The following KAZN variants were observed in gnomAD, a reference collection of about 807,000 sequenced individuals.
The protein encoded by KAZN is kazrin.
KAZN carries 40 observed loss-of-function variants against 87.4 expected under a neutral mutation model. That is an observed-to-expected ratio of 0.46 (90% CI 0.36 to 0.60). The LOEUF (loss-of-function observed/expected upper bound fraction) is 0.60. Among genes scored for constraint, KAZN ranks in the 20% least tolerant of loss-of-function variants. KAZN has a pLI of 0.00. For missense variants in KAZN, 898 were observed against 1,073.9 expected (o/e 0.84, Z 2.29); for synonymous variants, 466 against 458.3 (o/e 1.02, Z -0.22).
chr1:15,042,333 G>A (rs964365171), intron 3 of KAZN, among the ~76,000 whole-genome samples: 2 of 152,170 alleles, frequency 1.3e-5, no homozygotes, highest in African/African-American at 2.4e-5. Context: ...ATTTTTGTCT[G>A]GTTTGTACCA....
At chr1:14,322,976 C>G (rs961956103) in intron 2 of KAZN, among the ~76,000 whole-genome samples, 2 of 152,168 alleles carry the variant, frequency 1.3e-5, no homozygotes, top group African/African-American at 4.8e-5. Context: ...GGAAGCAAGG[C>G]ACCTTCTTCA....
chr1:14,756,465 C>T (rs1207612036), intron 1 of KAZN, among the ~76,000 whole-genome samples: 1 of 152,200 alleles, frequency 6.6e-6, no homozygotes, highest in East Asian at 1.9e-4. Flanking sequence ...TGCGGATGAG[C>T]AGGAGGTGGA....
chr1:14,585,066 G>A (rs1436405332), intron 2 of KAZN, among the ~76,000 whole-genome samples: 2 of 152,214 alleles, frequency 1.3e-5, no homozygotes, highest in African/African-American at 4.8e-5. Flanking sequence ...ACAAAGGAAT[G>A]TGCATGGGAG....
chr1:13,930,759 A>G (rs1027399059), intron 1 of KAZN, among the ~76,000 whole-genome samples: 1 of 152,256 alleles, frequency 6.6e-6, no homozygotes, highest in African/African-American at 2.4e-5. Flanking sequence ...CAGGATTCAT[A>G]GGAGTTTACC....
chr1:14,932,740 C>T (rs1200460800), intron 1 of KAZN, among the ~76,000 whole-genome samples: 1 of 151,674 alleles, frequency 6.6e-6, no homozygotes, highest in Non-Finnish European at 1.5e-5. Flanking sequence ...CAGAGTCCCA[C>T]CCCAGAAACT....
intron 2 of KAZN, among the ~76,000 whole-genome samples, chr1:14,544,346 C>CTT (rs1672995998): frequency 3.0e-5 from 2 of 67,156 alleles, no homozygotes; most frequent in African/African-American, 5.1e-5. Context: ...TTCTTTCTTT[C>CTT]TTTCTTTTTT....
intron 2 of KAZN, among the ~76,000 whole-genome samples, chr1:14,330,066 T>G (rs1333836877): frequency 6.6e-6 from 1 of 152,174 alleles, no homozygotes; most frequent in Non-Finnish European, 1.5e-5. Context: ...GACAGCTGTG[T>G]GGGTTCTCTC....
chr1:15,084,602 CA>C (rs1043830469), intron 8 of KAZN, among the ~76,000 whole-genome samples: 3 of 152,292 alleles, frequency 2.0e-5, no homozygotes, highest in African/African-American at 7.2e-5. Context: ...GGACTGTTAT[CA>C]GGGGGTTAAA....
intron 1 of KAZN, chr1:14,924,361 C>T: frequency 3.0e-6 from 3 of 988,854 alleles, no homozygotes; most frequent in Non-Finnish European, 3.6e-6. Flanking sequence ...CCCGGGCACC[C>T]GGCATGCGGG....
chr1:14,211,762 C>T (rs1646857440), intron 2 of KAZN, among the ~76,000 whole-genome samples: 1 of 152,056 alleles, frequency 6.6e-6, no homozygotes. Flanking sequence ...ATCGGGGCTT[C>T]TCTCCTACAA....
intron 4 of KAZN, among the ~76,000 whole-genome samples, chr1:15,049,862 A>G (rs1329812188): frequency 5.3e-5 from 8 of 152,118 alleles, no homozygotes; most frequent in Admixed American, 5.2e-4. Flanking sequence ...CGTCTCTACT[A>G]AAAATACAAA....
At chr1:14,010,950 CT>C (rs959172436) in intron 1 of KAZN, among the ~76,000 whole-genome samples, 7 of 151,478 alleles carry the variant, frequency 4.6e-5, no homozygotes, top group South Asian at 2.1e-4. Flanking sequence ...CTTGCTTCCC[CT>C]TTTTTTTTGG....
chr1:14,004,453 C>T (rs1265091205), intron 1 of KAZN, among the ~76,000 whole-genome samples: 1 of 152,196 alleles, frequency 6.6e-6, no homozygotes, highest in Non-Finnish European at 1.5e-5. Context: ...CAGCACTATT[C>T]ATGTTAGTCC....
At chr1:14,514,294 C>T (rs1338360735) in intron 2 of KAZN, among the ~76,000 whole-genome samples, 3 of 115,642 alleles carry the variant, frequency 2.6e-5, no homozygotes, top group African/African-American at 9.9e-5. Flanking sequence ...CACTGCACTC[C>T]AGCCTGGGTG....
At chr1:14,450,163 C>A (rs1557729498) in intron 2 of KAZN, among the ~76,000 whole-genome samples, 1 of 152,142 alleles carries the variant, frequency 6.6e-6, no homozygotes, top group Non-Finnish European at 1.5e-5. Context: ...TCCAACCACA[C>A]CTGTCCTTTC....
At position 14,960,815 on chromosome 1, in the gene KAZN, C is replaced by T; in HGVS notation, c.358C>T (p.Leu120Phe). The T allele has an allele frequency of 6.2e-7, 1 of 1,613,170 alleles. No homozygotes were observed. Among genetic ancestry groups the T allele is most frequent in the East Asian group, 2.2e-5 (1 of 44,876 alleles). ...KSSEVLSATELRVQLAQKEQE... is the reference protein window; with the variant it reads ...KSSEVLSATEFRVQLAQKEQE... ...CTCTGAGGTCCTCTCGGCCACCGAG[C>T]TCAGGGTCCAGCTGGCCCAGAAGGA... Residue 120 changes from leucine to phenylalanine, a missense_variant, in exon 2 of 15, where the codon CTC becomes TTC. Leu to Phe is a conservative substitution (Grantham distance 22). Coordinates refer to ENST00000376030, the MANE Select transcript of KAZN (RefSeq NM_201628.3).
In KAZN at chr1:14,314,463, T is replaced by G. The variant is rs1335388819; in HGVS notation, c.249+133871T>G. 2.6e-5 allele frequency among the ~76,000 whole-genome samples: 4 copies of G among 152,294 alleles called. No individual in the cohort carries two copies. In the East Asian group the frequency reaches 7.7e-4, roughly 29 times the overall value. ...TTGCCTCCATTCCCTATGTCCTGGT[T>G]ACATGAGATTCCTGTTGGCTTTTAA... On this transcript the variant is annotated intron_variant, in intron 2 of 16. Transcript: ENST00000636203.
chr1:14,672,916 A>G (rs1391915801), intron 1 of KAZN, among the ~76,000 whole-genome samples: 1 of 152,146 alleles, frequency 6.6e-6, no homozygotes, highest in Non-Finnish European at 1.5e-5. Flanking sequence ...CTGAGCCACA[A>G]GCTTCTACCT....
intron 2 of KAZN, among the ~76,000 whole-genome samples, chr1:14,402,838 T>A (rs989744280): frequency 2.4e-4 from 36 of 152,128 alleles, no homozygotes; most frequent in African/African-American, 8.7e-4. Flanking sequence ...GAAACTTTTT[T>A]TTTTTTTGAG....
Sources: allele counts gnomAD v4.1 joint callset (sites outside exome capture counted in the v4.1 genomes callset), GRCh38; gene constraint gnomAD v4.1.1; transcripts MANE v1.5; gene names NCBI Gene and HGNC (gene_info 2026-07-23, HGNC 2026-07-21).